The following IPO5 variants were observed in gnomAD, a reference collection of about 807,000 sequenced individuals.
IPO5 encodes importin 5.
Under a neutral mutation model 143.3 loss-of-function variants are expected in IPO5, and 18 were observed. The observed-to-expected ratio is 0.13, with a 90% CI of 0.09 to 0.19. IPO5 has a LOEUF of 0.19. Among genes scored for constraint, IPO5 ranks in the 10% least tolerant of loss-of-function variants. The pLI is 1.00. For missense variants in IPO5, 1,013 were observed against 1,336.9 expected (o/e 0.76, Z 3.78); for synonymous variants, 477 against 465.7 (o/e 1.02, Z -0.31).
intron 20 of IPO5, 132 bp downstream of exon 20, chr13:98,010,356 T>C (rs879798706): frequency 2.0e-5 from 17 of 838,728 alleles, no homozygotes; most frequent in Non-Finnish European, 2.5e-5. Flanking sequence ...AAAGTTTTCT[T>C]TCCATTTTAA....
chr13:97,968,627 C>CT (rs1885552178), intron 2 of IPO5, among the ~76,000 whole-genome samples: 1 of 152,150 alleles, frequency 6.6e-6, no homozygotes, highest in Admixed American at 6.5e-5. Flanking sequence ...CTCTTTATCT[C>CT]TAATGACATT....
intron 28 of IPO5, 96 bp downstream of exon 28, chr13:98,021,229 A>G: frequency 8.9e-7 from 1 of 1,125,778 alleles, no homozygotes; most frequent in South Asian, 1.7e-5. Flanking sequence ...TGAGCTAAGG[A>G]ATTTTATTTT....
chr13:97,980,781 C>T (rs1027857258), intron 4 of IPO5, among the ~76,000 whole-genome samples: 2 of 149,952 alleles, frequency 1.3e-5, no homozygotes, highest in Admixed American at 1.3e-4. Flanking sequence ...GAGCCGAGAT[C>T]GCACCACTGC....
At position 97,992,807 on chromosome 13, in the gene IPO5, A is replaced by G. The variant is rs752837059; in HGVS notation, c.670-85A>G. The G allele has an allele frequency of 3.2e-4, 430 of 1,337,970 alleles. 1 individual carries two copies. Among genetic ancestry groups the G allele is most frequent in the Non-Finnish European group, 4.0e-4 (390 of 968,198 alleles). The allele number at this position is 1,337,970 out of a possible 1,614,324, so 82.9% of individuals were successfully genotyped here. ...AAAAATAGTTTAGTAATATTTCTCTATTGTCAGCATCTTAGGAATCTTTTG... is the reference window on the plus strand; with the variant it reads ...AAAAATAGTTTAGTAATATTTCTCTGTTGTCAGCATCTTAGGAATCTTTTG... On this transcript the variant is annotated intron_variant, in intron 9 of 28. Coordinates refer to ENST00000651721, the MANE Select transcript of IPO5 (RefSeq NM_002271.6).
At chr13:97,980,889 A>T (rs1253179943) in intron 4 of IPO5, among the ~76,000 whole-genome samples, 1 of 151,476 alleles carries the variant, frequency 6.6e-6, no homozygotes, top group Non-Finnish European at 1.5e-5. Context: ...TTTAAGTGTT[A>T]AACATTGATC....
At chr13:97,970,859 C>G (rs754162595) in intron 3 of IPO5, among the ~76,000 whole-genome samples, 17 of 152,150 alleles carry the variant, frequency 1.1e-4, no homozygotes, top group Non-Finnish European at 2.1e-4. Context: ...AATAGTCTAA[C>G]AGGTAGATGT....
intron 18 of IPO5, among the ~76,000 whole-genome samples, chr13:98,009,559 T>C (rs1212189834): frequency 1.3e-5 from 2 of 152,192 alleles, no homozygotes; most frequent in Non-Finnish European, 2.9e-5. Context: ...TTGGTTTTGT[T>C]TAGGTGATTA....
At position 97,993,050 on chromosome 13, in the gene IPO5, A is replaced by G. The variant is rs1366404424; in HGVS notation, c.792+36A>G. On this transcript the variant is annotated intron_variant, in intron 10 of 28. Transcript: ENST00000651721. ...TACGTTAGTAAACGTTCTGTTTGTT[A>G]TTTTCAGGGACTAATCTAAATTATT... The G allele has an allele frequency of 1.9e-6, 3 of 1,611,144 alleles. No individual in the cohort carries two copies. The African/African-American group carries it at 4.0e-5, about 22-fold the overall frequency.
intron 13 of IPO5, 198 bp downstream of exon 13, chr13:98,000,843 G>T: frequency 3.7e-6 from 2 of 547,640 alleles, no homozygotes; most frequent in Non-Finnish European, 6.5e-6. Context: ...AAAGTATTTA[G>T]ATTTGAATTT....
intron 9 of IPO5, among the ~76,000 whole-genome samples, chr13:97,991,781 AG>A (rs1887826463): frequency 6.6e-6 from 1 of 152,190 alleles, no homozygotes; most frequent in Non-Finnish European, 1.5e-5. Flanking sequence ...ATAATTTGTG[AG>A]TTAGTTTCTA....
intron 2 of IPO5, among the ~76,000 whole-genome samples, chr13:97,968,264 C>T (rs1436704188): frequency 6.6e-6 from 1 of 152,154 alleles, no homozygotes; most frequent in Non-Finnish European, 1.5e-5. Flanking sequence ...GGTTTCAATC[C>T]TTTAAAATTG....
At chr13:98,006,968 C>A (rs776782640) in intron 17 of IPO5, among the ~76,000 whole-genome samples, 1 of 150,074 alleles carries the variant, frequency 6.7e-6, no homozygotes, top group Non-Finnish European at 1.5e-5. Flanking sequence ...TGGGTTCAAG[C>A]GATTCTCCTG....
chr13:97,968,380 C>T (rs1566453220), intron 2 of IPO5, among the ~76,000 whole-genome samples: 1 of 152,194 alleles, frequency 6.6e-6, no homozygotes, highest in Admixed American at 6.5e-5. Context: ...GTGTCTTACA[C>T]TTGTCTTGTA....
chr13:98,019,063 C>T (rs1890308883), intron 26 of IPO5, among the ~76,000 whole-genome samples: 2 of 152,022 alleles, frequency 1.3e-5, no homozygotes, highest in East Asian at 3.9e-4. Flanking sequence ...TCGAGCAATT[C>T]TGCTTCAGCC....
chr13:97,969,171 A>T lies in IPO5; in HGVS notation c.-112-552A>T, dbSNP rs1413876153. 8.6e-4 allele frequency among the ~76,000 whole-genome samples: 61 copies of T among 71,214 alleles called. 1 individual carries two copies. Among genetic ancestry groups the T allele is most frequent in the African/African-American group, 4.2e-3 (58 of 13,878 alleles). 46.7% of individuals were successfully genotyped at this position (71,214 alleles called of 152,430 possible). A position where few individuals can be genotyped will look rare whatever the true frequency, so the allele number is the denominator to read the frequency against. ...CTGCTAAGTATATATATATATATAT[A>T]TATATTTTTTTTTTTTTTTTTTTTT... On this transcript the variant is annotated intron_variant, in intron 2 of 28. Coordinates refer to ENST00000651721, the MANE Select transcript of IPO5 (RefSeq NM_002271.6).
intron 3 of IPO5, among the ~76,000 whole-genome samples, chr13:97,970,413 G>A (rs1885720513): frequency 6.6e-6 from 1 of 152,078 alleles, no homozygotes; most frequent in Non-Finnish European, 1.5e-5. Context: ...GAGGTCAGGA[G>A]TTCGAGACAA....
intron 26 of IPO5, 64 bp from the exon 27 acceptor site, chr13:98,019,517 A>G: frequency 9.3e-7 from 1 of 1,080,464 alleles, no homozygotes; most frequent in South Asian, 1.4e-5. Context: ...ATACAAAAAT[A>G]CATATATTCA....
chr13:98,004,945 G>A (rs1258855944), intron 16 of IPO5, among the ~76,000 whole-genome samples: 1 of 151,762 alleles, frequency 6.6e-6, no homozygotes, highest in African/African-American at 2.4e-5. Flanking sequence ...GCCCAGGCTG[G>A]AGTGCGATAA....
rs201392575 is a variant in IPO5, at chr13:97,983,786, CCAGT to C, written c.171+1212_171+1215del. On this transcript the variant is annotated intron_variant, in intron 5 of 28. Coordinates refer to ENST00000651721, the MANE Select transcript of IPO5 (RefSeq NM_002271.6). ...TACATTATGTTTCACCTGACTTCTTCCAGTCAGTCAGTTTAGACTAGCAACTTCA... is the reference window on the plus strand; with the variant it reads ...TACATTATGTTTCACCTGACTTCTTCCAGTCAGTTTAGACTAGCAACTTCA... 9.5e-3 allele frequency among the ~76,000 whole-genome samples: 1,451 copies of C among 151,986 alleles called. 23 individuals are homozygous for C. The highest frequency in any genetic ancestry group is 0.034 in the African/African-American group (1,395 of 41,480).
Sources: allele counts gnomAD v4.1 joint callset (sites outside exome capture counted in the v4.1 genomes callset), GRCh38; gene constraint gnomAD v4.1.1; transcripts MANE v1.5; gene names NCBI Gene and HGNC (gene_info 2026-07-23, HGNC 2026-07-21).